RGS7: variants seen among roughly 807,000 people sequenced by gnomAD.
The protein encoded by RGS7 is regulator of G protein signaling 7.
A neutral mutation model predicts 81.1 loss-of-function variants in RGS7; 27 were observed. That is an observed-to-expected ratio of 0.33 (90% CI 0.25 to 0.46). The LOEUF is 0.46. Ranked by LOEUF, RGS7 falls within the 20% of genes least tolerant of loss-of-function variation. The pLI is 1.00. For synonymous variants in RGS7, 208 were observed against 207.7 expected (o/e 1.00, Z -0.01); for missense variants, 396 against 607.4 (o/e 0.65, Z 3.66).
intron 2 of RGS7, among the ~76,000 whole-genome samples, chr1:241,228,826 CT>C (rs36064434): frequency 0.16 from 24,427 of 151,812 alleles, 2,470 homozygotes; most frequent in Middle Eastern, 0.23. Flanking sequence ...CTGGTTGCCC[CT>C]ATCTTTAAAT....
chr1:241,051,207 G>A (rs1183540296), intron 3 of RGS7, among the ~76,000 whole-genome samples: 1 of 152,136 alleles, frequency 6.6e-6, no homozygotes, highest in African/African-American at 2.4e-5. Flanking sequence ...GACAGTGGAA[G>A]CTCAATGAAG....
chr1:241,327,871 A>C (rs2081707559), intron 2 of RGS7, among the ~76,000 whole-genome samples: 1 of 152,214 alleles, frequency 6.6e-6, no homozygotes, highest in South Asian at 2.1e-4. Flanking sequence ...CTTAAAACTC[A>C]ATTTTTGATA....
intron 2 of RGS7, among the ~76,000 whole-genome samples, chr1:241,261,434 CA>C (rs1335982370): frequency 3.3e-5 from 5 of 151,582 alleles, no homozygotes; most frequent in Admixed American, 6.6e-5. Context: ...TCCTGGCCAA[CA>C]TGGGAGAAAC....
At chr1:241,254,140 C>T (rs1228429476) in intron 2 of RGS7, among the ~76,000 whole-genome samples, 1 of 142,148 alleles carries the variant, frequency 7.0e-6, no homozygotes, top group Non-Finnish European at 1.5e-5. Flanking sequence ...GTGGGGCTTG[C>T]AGTGAGCCAA....
At chr1:240,839,996 C>T (rs574324917) in intron 9 of RGS7, among the ~76,000 whole-genome samples, 5 of 152,202 alleles carry the variant, frequency 3.3e-5, no homozygotes, top group East Asian at 1.9e-4. Context: ...AAATACACCC[C>T]GAACCTACTG....
chr1:241,254,213 A>AAAAG (rs1553300921), intron 2 of RGS7, among the ~76,000 whole-genome samples: 2 of 151,708 alleles, frequency 1.3e-5, no homozygotes, highest in African/African-American at 2.4e-5. Context: ...AAAAAAAAAA[A>AAAAG]AAAGAAAGAA....
chr1:241,126,036 G>A (rs1035102775), intron 2 of RGS7, among the ~76,000 whole-genome samples: 6 of 152,142 alleles, frequency 3.9e-5, no homozygotes, highest in African/African-American at 9.7e-5. Context: ...TGGTGACCCC[G>A]TTCTAGAGTT....
At chr1:240,958,238 G>A (rs189729825) in intron 4 of RGS7, among the ~76,000 whole-genome samples, 4 of 152,288 alleles carry the variant, frequency 2.6e-5, no homozygotes, top group African/African-American at 9.6e-5. Flanking sequence ...AACAATAAGA[G>A]CCTCATTCAT....
chr1:241,206,965 T>G (rs1382440524), intron 2 of RGS7, among the ~76,000 whole-genome samples: 15 of 125,688 alleles, frequency 1.2e-4, no homozygotes, highest in African/African-American at 4.5e-4. Flanking sequence ...CTCTGGTTTT[T>G]TTTTTTTTTT....
chr1:240,902,785 C>T (rs1258310168), intron 6 of RGS7, among the ~76,000 whole-genome samples: 1 of 152,038 alleles, frequency 6.6e-6, no homozygotes, highest in Non-Finnish European at 1.5e-5. Context: ...ACTATTAAAA[C>T]AATGTTTTTG....
At chr1:241,088,039 C>T (rs796923884) in intron 3 of RGS7, among the ~76,000 whole-genome samples, 124 of 90,324 alleles carry the variant, frequency 1.4e-3, no homozygotes, top group African/African-American at 8.3e-3. Flanking sequence ...TATATATATA[C>T]ACACATATAT....
intron 2 of RGS7, among the ~76,000 whole-genome samples, chr1:241,243,421 G>T (rs1297176517): frequency 6.6e-6 from 1 of 152,212 alleles, no homozygotes; most frequent in Non-Finnish European, 1.5e-5. Context: ...ATAGAAGAAT[G>T]AAAGCAAAGA....
At chr1:240,938,954 GGT>G (rs1677104184) in intron 4 of RGS7, among the ~76,000 whole-genome samples, 1 of 151,914 alleles carries the variant, frequency 6.6e-6, no homozygotes, top group Admixed American at 6.6e-5. Context: ...TTAGTGCCAG[GGT>G]GTCATTGTGG....
At chr1:241,273,718 C>T (rs2078047991) in intron 2 of RGS7, among the ~76,000 whole-genome samples, 2 of 152,140 alleles carry the variant, frequency 1.3e-5, no homozygotes, top group South Asian at 4.1e-4. Context: ...CCTAAAGTGC[C>T]TCAAAGGGAT....
intron 2 of RGS7, among the ~76,000 whole-genome samples, chr1:241,224,585 C>A (rs967161753): frequency 1.3e-5 from 2 of 152,116 alleles, no homozygotes; most frequent in Admixed American, 6.6e-5. Context: ...TAAAGAAAAT[C>A]TACAGCAATA....
At chr1:241,081,367 C>T (rs1004598870) in intron 3 of RGS7, among the ~76,000 whole-genome samples, 6 of 148,520 alleles carry the variant, frequency 4.0e-5, no homozygotes, top group African/African-American at 1.6e-4. Context: ...AACTCAACAC[C>T]AGCTGGGATC....
At chr1:241,298,879 T>C (rs1294498391) in intron 2 of RGS7, among the ~76,000 whole-genome samples, 1 of 152,194 alleles carries the variant, frequency 6.6e-6, no homozygotes, top group Non-Finnish European at 1.5e-5. Context: ...TTTATTTTTT[T>C]CCACAGTATT....
intron 3 of RGS7, among the ~76,000 whole-genome samples, chr1:241,083,331 G>C (rs772230045): frequency 1.5e-4 from 23 of 151,848 alleles, no homozygotes; most frequent in Non-Finnish European, 3.1e-4. Context: ...CAGAGCCCAA[G>C]TGGTTGAGAT....
At chr1:241,270,124 A>C (rs1216651827) in intron 2 of RGS7, among the ~76,000 whole-genome samples, 1 of 152,100 alleles carries the variant, frequency 6.6e-6, no homozygotes, top group Non-Finnish European at 1.5e-5. Context: ...CCTCTGAAAG[A>C]CCTGGTGCCA....
Sources: allele counts gnomAD v4.1 joint callset (sites outside exome capture counted in the v4.1 genomes callset), GRCh38; gene constraint gnomAD v4.1.1; transcripts MANE v1.5; gene names NCBI Gene and HGNC (gene_info 2026-07-23, HGNC 2026-07-21).